DIPK1A: variants seen among roughly 807,000 people sequenced by gnomAD.
The protein encoded by DIPK1A is divergent protein kinase domain 1A.
In DIPK1A, 27 loss-of-function variants were observed where a neutral mutation model predicts 40.8. That is an observed-to-expected ratio of 0.66 (90% CI 0.49 to 0.91). The LOEUF (loss-of-function observed/expected upper bound fraction) is 0.91. Among genes scored for constraint, DIPK1A ranks in the 40% least tolerant of loss-of-function variants. The probability of loss-of-function intolerance (pLI) is 0.00; values close to 1 mark genes in which losing one functional copy is unlikely to be tolerated. For missense variants in DIPK1A, 412 were observed against 505.7 expected (o/e 0.81, Z 1.78); for synonymous variants, 166 against 171.3 (o/e 0.97, Z 0.24).
chr1:92,939,745 G>A (rs1651081112), intron 1 of DIPK1A, among the ~76,000 whole-genome samples: 1 of 152,142 alleles, frequency 6.6e-6, no homozygotes, highest in Non-Finnish European at 1.5e-5. Context: ...CTTGAGGTCA[G>A]GAATTTAAGA....
chr1:92,888,492 A>T (rs1202354470), intron 1 of DIPK1A, among the ~76,000 whole-genome samples: 1 of 152,190 alleles, frequency 6.6e-6, no homozygotes, highest in Non-Finnish European at 1.5e-5. Context: ...TACAATAAAT[A>T]TAAGAGTACA....
chr1:92,926,303 A>C (rs1437985728), intron 1 of DIPK1A, among the ~76,000 whole-genome samples: 2 of 152,200 alleles, frequency 1.3e-5, no homozygotes, highest in Non-Finnish European at 2.9e-5. Flanking sequence ...CTAATTTCCA[A>C]ATCTTTGGGG....
At chr1:92,955,253 G>C (rs903952261) in intron 1 of DIPK1A, among the ~76,000 whole-genome samples, 3 of 152,120 alleles carry the variant, frequency 2.0e-5, no homozygotes, top group African/African-American at 7.2e-5. Flanking sequence ...ATACAATAAT[G>C]ATGGATACAT....
chr1:92,961,127 G>T (rs921142259), intron 1 of DIPK1A, among the ~76,000 whole-genome samples: 1 of 151,926 alleles, frequency 6.6e-6, no homozygotes, highest in Admixed American at 6.6e-5. Context: ...ACCCGGGCGG[G>T]ACGACTCGGG....
intron 1 of DIPK1A, among the ~76,000 whole-genome samples, chr1:92,953,458 T>C (rs1651722259): frequency 6.6e-6 from 1 of 152,214 alleles, no homozygotes; most frequent in Admixed American, 6.5e-5. Flanking sequence ...TGCACTCCCA[T>C]GTTCATTGTA....
chr1:92,850,135 A>AT (rs1344508060), intron 3 of DIPK1A, among the ~76,000 whole-genome samples: 5 of 151,478 alleles, frequency 3.3e-5, no homozygotes, highest in African/African-American at 7.3e-5. Flanking sequence ...CACACCTGGC[A>AT]TTTTTTTTAA....
At chr1:92,841,748 T>C (rs906388214), downstream of DIPK1A, 5 of 1,542,802 alleles carry the variant, frequency 3.2e-6, no homozygotes, top group African/African-American at 6.8e-5. Context: ...AAAAAATATA[T>C]ATTCCTATCT....
At chr1:92,922,489 CT>C (rs1179984569) in intron 1 of DIPK1A, among the ~76,000 whole-genome samples, 1 of 152,092 alleles carries the variant, frequency 6.6e-6, no homozygotes, top group African/African-American at 2.4e-5. Context: ...GAACTGTTTG[CT>C]TTTAAGTGTA....
chr1:92,851,050 A>T (rs1687801901), intron 2 of DIPK1A, 95 bp from the exon 3 acceptor site: 3 of 768,294 alleles, frequency 3.9e-6, no homozygotes, highest in Non-Finnish European at 6.4e-6. Flanking sequence ...AAGTTCTATG[A>T]CAAAAAGAAC....
intron 4 of DIPK1A, 141 bp downstream of exon 4, chr1:92,847,042 C>T: frequency 1.9e-6 from 1 of 522,472 alleles, no homozygotes; most frequent in East Asian, 3.8e-5. Context: ...CCACGCCCGG[C>T]CTCTTATAAT....
At chr1:92,930,709 T>C (rs1157725049) in intron 1 of DIPK1A, 1 of 152,254 alleles carries the variant, frequency 6.6e-6, no homozygotes, top group African/African-American at 2.4e-5. Flanking sequence ...TTCTTCTTTC[T>C]ATGCCTTTTC....
chr1:92,916,257 T>G (rs1440506701), intron 1 of DIPK1A, among the ~76,000 whole-genome samples: 1 of 142,570 alleles, frequency 7.0e-6, no homozygotes, highest in East Asian at 1.9e-4. Flanking sequence ...TGAATTTTAT[T>G]TCAATAAAGC....
intron 4 of DIPK1A, among the ~76,000 whole-genome samples, chr1:92,835,660 CAA>C (rs11417383): frequency 8.7e-4 from 107 of 123,362 alleles, no homozygotes; most frequent in African/African-American, 2.6e-3. Flanking sequence ...AACTGTGTCT[CAA>C]AAAAAAAAAA....
At chr1:92,890,883 T>C (rs995568692) in intron 1 of DIPK1A, among the ~76,000 whole-genome samples, 4 of 152,038 alleles carry the variant, frequency 2.6e-5, no homozygotes, top group Non-Finnish European at 4.4e-5. Context: ...AGTTTGAGAA[T>C]TGGTATTAGT....
At chr1:92,867,267 G>T (rs917416171) in intron 2 of DIPK1A, among the ~76,000 whole-genome samples, 1 of 147,410 alleles carries the variant, frequency 6.8e-6, no homozygotes, top group Non-Finnish European at 1.5e-5. Flanking sequence ...TGTTGGCCAG[G>T]ATGGTCTTGA....
intron 1 of DIPK1A, among the ~76,000 whole-genome samples, chr1:92,957,736 T>C (rs565626663): frequency 4.6e-5 from 7 of 152,386 alleles, no homozygotes; most frequent in African/African-American, 1.7e-4. Context: ...TATGGAGATA[T>C]ACTAATAATT....
intron 1 of DIPK1A, among the ~76,000 whole-genome samples, chr1:92,879,172 C>T (rs1648265657): frequency 6.6e-6 from 1 of 151,696 alleles, no homozygotes; most frequent in South Asian, 2.1e-4. Context: ...ACAGAGAGAC[C>T]CTGTTGCAAA....
At chr1:92,957,102 AG>A (rs1651883508) in intron 1 of DIPK1A, among the ~76,000 whole-genome samples, 1 of 152,238 alleles carries the variant, frequency 6.6e-6, no homozygotes, top group Non-Finnish European at 1.5e-5. Flanking sequence ...AGAAGGAAGA[AG>A]GTATTTTAAA....
At chr1:92,863,039 T>C (rs1647351274) in intron 2 of DIPK1A, among the ~76,000 whole-genome samples, 1 of 152,214 alleles carries the variant, frequency 6.6e-6, no homozygotes, top group Non-Finnish European at 1.5e-5. Flanking sequence ...ATACTCAAGG[T>C]AGTCCTAGTT....
Sources: gnomAD v4.1 joint callset for allele counts (sites outside exome capture counted in the v4.1 genomes callset) on GRCh38, gnomAD v4.1.1 for gene constraint, MANE v1.5 for transcripts, NCBI Gene and HGNC (gene_info 2026-07-23, HGNC 2026-07-21) for gene names.